Variants in SH3BGRL2 observed in about 807,000 individuals in gnomAD.
SH3BGRL2 encodes SH3 domain binding glutamate rich protein like 2.
SH3BGRL2 carries 21 observed loss-of-function variants against 14.8 expected under a neutral mutation model. The observed-to-expected ratio is 1.42, with a 90% confidence interval of 1.01 to 2.05. The LOEUF is 2.05. Ranked by LOEUF, SH3BGRL2 falls within the 30% of genes most tolerant of loss-of-function variation. The pLI, the probability that SH3BGRL2 is intolerant of heterozygous loss-of-function variation, is 0.00. For synonymous variants in SH3BGRL2, 50 were observed against 47.8 expected, an observed-to-expected ratio of 1.05 and a Z score of -0.19; for missense variants, 147 against 130.8, an observed-to-expected ratio of 1.12 and a Z score of -0.61.
chr6:79,691,624 C>T (rs1414162162), intron 2 of SH3BGRL2, among the ~76,000 whole-genome samples: 79 of 149,486 alleles, frequency 5.3e-4, no homozygotes, highest in African/African-American at 1.7e-3. Flanking sequence ...TTTGTCCTTG[C>T]GATAGTTTGC....
chr6:79,661,394 T>C (rs1296400289), intron 1 of SH3BGRL2, among the ~76,000 whole-genome samples: 4 of 152,230 alleles, frequency 2.6e-5, no homozygotes, highest in Admixed American at 2.6e-4. Flanking sequence ...ATTTACCCAG[T>C]AGTCATTCAG....
At chr6:79,581,796 A>C in the SH3BGRL2 span, among the ~76,000 whole-genome samples, 1 of 152,316 alleles carries the variant, frequency 6.6e-6, no homozygotes, top group East Asian at 1.9e-4. Context: ...GCAATCAGGC[A>C]AGAGAAAGAA....
the SH3BGRL2 span, among the ~76,000 whole-genome samples, chr6:79,607,099 C>T: frequency 3.3e-5 from 5 of 152,312 alleles, no homozygotes; most frequent in East Asian, 9.7e-4. Context: ...TAACCTGTTT[C>T]ACAACGTTCC....
At chr6:79,638,240 C>G (rs1240038565) in intron 1 of SH3BGRL2, among the ~76,000 whole-genome samples, 3 of 152,166 alleles carry the variant, frequency 2.0e-5, no homozygotes, top group African/African-American at 7.2e-5. Flanking sequence ...GCTTATTTCA[C>G]TTAATGTAAT....
intron 3 of SH3BGRL2, among the ~76,000 whole-genome samples, chr6:79,696,874 A>T (rs1403584984): frequency 6.6e-5 from 10 of 151,994 alleles, no homozygotes; most frequent in Non-Finnish European, 7.4e-5. Context: ...AAAATTGCAA[A>T]TTTTTTTACT....
the SH3BGRL2 span, among the ~76,000 whole-genome samples, chr6:79,581,987 A>G: frequency 0.011 from 1,610 of 152,190 alleles, 26 homozygotes; most frequent in African/African-American, 0.037. Context: ...CCTATACACC[A>G]TTAACAGACA....
chr6:79,537,820 T>C, the SH3BGRL2 span, among the ~76,000 whole-genome samples: 1 of 152,120 alleles, frequency 6.6e-6, no homozygotes, highest in Admixed American at 6.5e-5. Flanking sequence ...TGTAAACAAA[T>C]TACAAACAAA....
chr6:79,579,379 G>A, the SH3BGRL2 span, among the ~76,000 whole-genome samples: 2 of 152,166 alleles, frequency 1.3e-5, no homozygotes, highest in African/African-American at 4.8e-5. Context: ...GAAGGAAAAA[G>A]TGTTAAGGGC....
chr6:79,652,651 A>C (rs762219853), intron 1 of SH3BGRL2, among the ~76,000 whole-genome samples: 4 of 152,100 alleles, frequency 2.6e-5, no homozygotes, highest in Non-Finnish European at 5.9e-5. Context: ...TTCAGGATGA[A>C]TCAATGCCTG....
the SH3BGRL2 span, among the ~76,000 whole-genome samples, chr6:79,598,634 T>C: frequency 6.6e-6 from 1 of 151,974 alleles, no homozygotes; most frequent in African/African-American, 2.4e-5. Context: ...GGGTACAGGG[T>C]TGCTCTTGGG....
chr6:79,566,788 T>C, the SH3BGRL2 span, among the ~76,000 whole-genome samples: 1 of 151,346 alleles, frequency 6.6e-6, no homozygotes, highest in Non-Finnish European at 1.5e-5. Context: ...TGGTGGCTAC[T>C]CAAAACGCTG....
the SH3BGRL2 span, among the ~76,000 whole-genome samples, chr6:79,615,941 G>A: frequency 1.3e-5 from 2 of 149,546 alleles, no homozygotes; most frequent in Non-Finnish European, 3.0e-5. Flanking sequence ...CTCAGCCTCC[G>A]GAGTAGCTGG....
the SH3BGRL2 span, chr6:79,561,426 C>T: frequency 2.0e-5 from 3 of 152,038 alleles, no homozygotes; most frequent in African/African-American, 7.2e-5. Flanking sequence ...TTGTAATCAT[C>T]AATTGACTAT....
chr6:79,640,840 T>A (rs1562144969), intron 1 of SH3BGRL2, among the ~76,000 whole-genome samples: 2 of 152,206 alleles, frequency 1.3e-5, no homozygotes, highest in East Asian at 3.8e-4. Context: ...AATGACTTTT[T>A]GTCATCTTCA....
At chr6:79,599,369 G>A in the SH3BGRL2 span, among the ~76,000 whole-genome samples, 1 of 118,470 alleles carries the variant, frequency 8.4e-6, no homozygotes, top group Non-Finnish European at 1.7e-5. Flanking sequence ...ATTTATAACA[G>A]ATCTTTTTTT....
At chr6:79,633,378 GCTT>G (rs1768862149) in intron 1 of SH3BGRL2, among the ~76,000 whole-genome samples, 1 of 152,092 alleles carries the variant, frequency 6.6e-6, no homozygotes, top group African/African-American at 2.4e-5. Flanking sequence ...CCTTATAACA[GCTT>G]CTTTTGCTTG....
intron 2 of SH3BGRL2, among the ~76,000 whole-genome samples, chr6:79,687,422 A>G (rs531662346): frequency 6.6e-6 from 1 of 152,156 alleles, no homozygotes; most frequent in South Asian, 2.1e-4. Context: ...TTGAACCTGT[A>G]TGGTCAGAAC....
chr6:79,656,384 G>A (rs868772616), intron 1 of SH3BGRL2, among the ~76,000 whole-genome samples: 50 of 152,334 alleles, frequency 3.3e-4, no homozygotes, highest in African/African-American at 1.1e-3. Flanking sequence ...TTTCTGATAT[G>A]TGAGTAAATC....
chr6:79,573,753 T>C, the SH3BGRL2 span: 1 of 152,252 alleles, frequency 6.6e-6, no homozygotes, highest in African/African-American at 2.4e-5. Flanking sequence ...AAAATTATAT[T>C]GTATAACTAT....
Sources: gnomAD v4.1 joint callset for allele counts (sites outside exome capture counted in the v4.1 genomes callset) on GRCh38, gnomAD v4.1.1 for gene constraint, MANE v1.5 for transcripts, NCBI Gene and HGNC (gene_info 2026-07-23, HGNC 2026-07-21) for gene names.